The following VIRMA variants were observed in gnomAD, a reference collection of about 807,000 sequenced individuals.
VIRMA encodes vir like m6A methyltransferase associated.
VIRMA carries 65 observed loss-of-function variants against 182.4 expected under a neutral mutation model. The observed-to-expected ratio is 0.36, with a 90% CI of 0.29 to 0.44. VIRMA has a LOEUF of 0.44. VIRMA is among the 20% of genes least tolerant of loss of function. VIRMA has a pLI of 1.00. For synonymous variants in VIRMA, 709 were observed against 743.1 expected, an observed-to-expected ratio of 0.95 and a Z score of 0.75; for missense variants, 1,752 against 2,158.1, an observed-to-expected ratio of 0.81 and a Z score of 3.73.
At chr8:94,509,367 A>C (rs1000723333) in intron 15 of VIRMA, among the ~76,000 whole-genome samples, 1 of 151,214 alleles carries the variant, frequency 6.6e-6, no homozygotes, top group Admixed American at 6.6e-5. Context: ...ACGCCATTGC[A>C]CTCCAGCCTG....
At chr8:94,552,798 C>T (rs1816044743) in intron 1 of VIRMA, among the ~76,000 whole-genome samples, 2 of 152,204 alleles carry the variant, frequency 1.3e-5, no homozygotes, top group Admixed American at 1.3e-4. Context: ...ACTCTCCCCT[C>T]TTCGCAAGTA....
At position 94,499,976 on chromosome 8, in the gene VIRMA, T is replaced by C. The variant is rs77127120; in HGVS notation, c.4098-470A>G. On this transcript the variant is annotated intron_variant, in intron 16 of 23. Transcript: ENST00000297591. ...TGAGGCAGAAGAATCACTTAAACGA[T>C]TGGGAGGCAGAGGTTGCAGCGAGCC... 5.4e-3 allele frequency among the ~76,000 whole-genome samples: 804 copies of C among 148,008 alleles called. 3 individuals carry two copies. The highest frequency in any genetic ancestry group is 0.014 in the Admixed American group (208 of 14,766).
At chr8:94,545,484 G>A (rs1815727378) in intron 1 of VIRMA, among the ~76,000 whole-genome samples, 1 of 152,106 alleles carries the variant, frequency 6.6e-6, no homozygotes. Flanking sequence ...TTCTGTATTT[G>A]CTGCTACCAG....
At chr8:94,525,552 T>C (rs1418594098) in intron 8 of VIRMA, among the ~76,000 whole-genome samples, 1 of 152,232 alleles carries the variant, frequency 6.6e-6, no homozygotes, top group Non-Finnish European at 1.5e-5. Context: ...CCCCTGGGAA[T>C]GCACTATGCT....
At position 94,549,989 on chromosome 8, in the gene VIRMA, C is replaced by T. The variant is rs373286001; in HGVS notation, c.63+3396G>A. ...GTGCACAACTGTAGTCCCAGCTACTCGGGAGGCTGAGATGGAAGGATCGAT... is the reference window on the plus strand; with the variant it reads ...GTGCACAACTGTAGTCCCAGCTACTTGGGAGGCTGAGATGGAAGGATCGAT... On this transcript the variant is annotated intron_variant, in intron 1 of 23. Coordinates refer to ENST00000297591, the MANE Select transcript of VIRMA (RefSeq NM_015496.5). 1.9e-4 allele frequency among the ~76,000 whole-genome samples: 29 copies of T among 151,628 alleles called. No individual in the cohort carries two copies. The East Asian group carries it at 5.1e-3, about 27-fold the overall frequency.
chr8:94,551,976 C>G (rs1053432409), intron 1 of VIRMA, among the ~76,000 whole-genome samples: 4 of 152,322 alleles, frequency 2.6e-5, no homozygotes, highest in South Asian at 2.1e-4. Flanking sequence ...CTGCTTCCGC[C>G]TCCCAAAACG....
intron 7 of VIRMA, among the ~76,000 whole-genome samples, chr8:94,528,116 C>G (rs551056686): frequency 1.3e-5 from 2 of 151,758 alleles, no homozygotes; most frequent in Admixed American, 6.6e-5. Flanking sequence ...TGCCTGTAAG[C>G]CCAGCTACTC....
At chr8:94,507,660 A>C (rs527791513) in intron 15 of VIRMA, among the ~76,000 whole-genome samples, 2 of 151,922 alleles carry the variant, frequency 1.3e-5, no homozygotes, top group Non-Finnish European at 1.5e-5. Flanking sequence ...AGGCTGAGGC[A>C]GAAGAATCAC....
At chr8:94,515,815 G>A (rs1451843751) in intron 10 of VIRMA, among the ~76,000 whole-genome samples, 2 of 151,850 alleles carry the variant, frequency 1.3e-5, no homozygotes, top group African/African-American at 4.8e-5. Flanking sequence ...TTACAAAATA[G>A]GGCTGGGCGT....
rs373510389 is a variant in VIRMA, at chr8:94,510,680, C to T, written c.3391-28G>A. The T allele has an allele frequency of 1.9e-5, 29 of 1,496,002 alleles. No homozygotes were observed. In the African/African-American group the frequency reaches 2.1e-4, roughly 11 times the overall value. The allele number at this position is 1,496,002 out of a possible 1,614,324, so 92.7% of individuals were successfully genotyped here. Reference sequence around the variant, plus strand: ...GTTAAAAAAGTATAATGTGTGTGTACGTAGATTTTTTAATATTTATTTATA... The same window carrying T: ...GTTAAAAAAGTATAATGTGTGTGTATGTAGATTTTTTAATATTTATTTATA... On this transcript the variant is annotated intron_variant, in intron 13 of 23. Transcript: ENST00000297591.
At chr8:94,540,585 C>T (rs1039802501) in intron 2 of VIRMA, among the ~76,000 whole-genome samples, 1 of 151,774 alleles carries the variant, frequency 6.6e-6, no homozygotes, top group Admixed American at 6.6e-5. Context: ...CCTCAGCAAC[C>T]CAAGTAGCTG....
At position 94,526,329 on chromosome 8, in the gene VIRMA, C is replaced by T. The variant is rs1264763925; in HGVS notation, c.1915G>A (p.Glu639Lys). The change falls in exon 8 of 24, where the codon GAA becomes AAA. Residue 639 changes from glutamate to lysine, a missense_variant. Glu to Lys is a moderately conservative substitution (Grantham distance 56). Transcript: ENST00000297591. ...TGGATCATTGTATGAGGGGCAGTTT[C>T]CATTAAATGAAAAACTTCTTCTAGG... ...NLLEEVFHLMETAPHTMIQQP... is the reference protein window; with the variant it reads ...NLLEEVFHLMKTAPHTMIQQP... 1 of 1,613,868 alleles carries T rather than the reference C, an allele frequency of 6.2e-7. No homozygotes were observed. Among genetic ancestry groups the T allele is most frequent in the South Asian group, 1.1e-5 (1 of 91,074 alleles).
At chr8:94,506,820 T>C in intron 15 of VIRMA, 103 bp from the exon 16 acceptor site, 1 of 655,820 alleles carries the variant, frequency 1.5e-6, no homozygotes, top group Non-Finnish European at 2.6e-6. Context: ...AACTATCTCA[T>C]TAAAATATTG....
intron 1 of VIRMA, among the ~76,000 whole-genome samples, chr8:94,545,814 G>A (rs936124043): frequency 1.3e-5 from 2 of 152,182 alleles, no homozygotes; most frequent in Admixed American, 6.5e-5. Flanking sequence ...CAGCACTTTG[G>A]GAGGCTGAGG....
intron 1 of VIRMA, chr8:94,546,868 C>T (rs1308302107): frequency 2.2e-6 from 1 of 454,452 alleles, no homozygotes; most frequent in African/African-American, 2.1e-5. Flanking sequence ...TTACTGTTGC[C>T]AAGCCAAATT....
intron 6 of VIRMA, 77 bp downstream of exon 6, chr8:94,530,886 G>C: frequency 6.6e-7 from 1 of 1,507,328 alleles, no homozygotes; most frequent in Non-Finnish European, 8.9e-7. Context: ...GGGCAACAGA[G>C]TGAGACCATC....
At chr8:94,553,015 A>G (rs1816058597) in intron 1 of VIRMA, among the ~76,000 whole-genome samples, 1 of 152,216 alleles carries the variant, frequency 6.6e-6, no homozygotes, top group South Asian at 2.1e-4. Flanking sequence ...TAAACTGCTC[A>G]GACTCCGGCA....
intron 5 of VIRMA, among the ~76,000 whole-genome samples, chr8:94,532,053 A>G (rs1252872049): frequency 6.6e-6 from 1 of 152,178 alleles, no homozygotes; most frequent in Non-Finnish European, 1.5e-5. Flanking sequence ...TAAAGGGGTA[A>G]TAGGGAATCT....
At chr8:94,514,986 T>C (rs967809154) in intron 10 of VIRMA, 35 bp from the exon 11 acceptor site, 5 of 1,039,508 alleles carry the variant, frequency 4.8e-6, no homozygotes, top group South Asian at 3.5e-5. Flanking sequence ...TATTTAAAAA[T>C]AGAAGGCTTT....
Sources: allele counts gnomAD v4.1 joint callset (sites outside exome capture counted in the v4.1 genomes callset), GRCh38; gene constraint gnomAD v4.1.1; transcripts MANE v1.5; gene names NCBI Gene and HGNC (gene_info 2026-07-23, HGNC 2026-07-21).